The following SDK1 variants were observed in gnomAD, a reference collection of about 807,000 sequenced individuals.
SDK1 encodes protein sidekick-1.
A neutral mutation model predicts 245.5 loss-of-function variants in SDK1; 157 were observed. That is an observed-to-expected ratio of 0.64 (90% confidence interval 0.56 to 0.73). SDK1 has a LOEUF of 0.73. Among genes scored for constraint, SDK1 ranks in the 30% least tolerant of loss-of-function variants. The pLI is 0.00. For synonymous variants in SDK1, 1,647 were observed against 1,278.5 expected (o/e 1.29, Z -6.15); for missense variants, 3,583 against 3,002.3 (o/e 1.19, Z -4.52).
chr7:4,048,308 T>C (rs1174517513), intron 17 of SDK1, among the ~76,000 whole-genome samples: 1 of 152,176 alleles, frequency 6.6e-6, no homozygotes, highest in Admixed American at 6.5e-5. Context: ...GCCGGAGGCT[T>C]GGCTCCTCTC....
At chr7:3,497,546 A>G (rs1782063150) in intron 1 of SDK1, among the ~76,000 whole-genome samples, 1 of 152,188 alleles carries the variant, frequency 6.6e-6, no homozygotes, top group Admixed American at 6.5e-5. Context: ...ATATAATACC[A>G]TATATGATCT....
intron 1 of SDK1, among the ~76,000 whole-genome samples, chr7:3,553,562 C>G (rs954769494): frequency 1.3e-5 from 2 of 152,128 alleles, no homozygotes; most frequent in African/African-American, 4.8e-5. Flanking sequence ...GAACTAGCAA[C>G]CGAGATAGTC....
chr7:3,657,222 G>A (rs2099302), intron 4 of SDK1, among the ~76,000 whole-genome samples: 34,411 of 152,208 alleles, frequency 0.23, 4,681 homozygotes, highest in Non-Finnish European at 0.3. Flanking sequence ...CCATGAGGAG[G>A]CTGTAAACTG....
intron 30 of SDK1, among the ~76,000 whole-genome samples, chr7:4,153,802 G>A (rs892978252): frequency 1.1e-4 from 16 of 152,042 alleles, no homozygotes; most frequent in African/African-American, 2.7e-4. Flanking sequence ...TCAGCCTCCC[G>A]GGTAGCTAAG....
At chr7:4,006,846 C>T (rs766285076) in intron 14 of SDK1, among the ~76,000 whole-genome samples, 1 of 152,186 alleles carries the variant, frequency 6.6e-6, no homozygotes, top group Non-Finnish European at 1.5e-5. Context: ...TCTGGACTTT[C>T]AGGAGCTGTT....
At chr7:3,759,241 C>G (rs1349082677) in intron 4 of SDK1, among the ~76,000 whole-genome samples, 4 of 152,124 alleles carry the variant, frequency 2.6e-5, no homozygotes, top group Admixed American at 6.5e-5. Context: ...GCTGTACTTT[C>G]TGAAGTCTAA....
chr7:3,769,699 C>A (rs1293589925), intron 4 of SDK1, among the ~76,000 whole-genome samples: 1 of 152,028 alleles, frequency 6.6e-6, no homozygotes, highest in East Asian at 1.9e-4. Flanking sequence ...CTGTTCAACT[C>A]AGATGAGGGA....
At chr7:3,708,104 A>T (rs1784943392) in intron 4 of SDK1, among the ~76,000 whole-genome samples, 1 of 152,160 alleles carries the variant, frequency 6.6e-6, no homozygotes, top group Admixed American at 6.5e-5. Context: ...CAGTCATGGC[A>T]GAAGGCAAAG....
chr7:3,775,416 CT>C (rs78644130), intron 4 of SDK1, among the ~76,000 whole-genome samples: 1,842 of 150,608 alleles, frequency 0.012, 37 homozygotes, highest in African/African-American at 0.041. Flanking sequence ...CAAAGAAAGC[CT>C]TTTTTTTTAT....
intron 1 of SDK1, among the ~76,000 whole-genome samples, chr7:3,566,278 G>A (rs1156552846): frequency 1.4e-5 from 2 of 147,296 alleles, no homozygotes; most frequent in South Asian, 2.2e-4. Context: ...AGGCTGGAGT[G>A]CAGTGGCGCG....
At chr7:3,341,056 A>G (rs1055046866) in intron 1 of SDK1, among the ~76,000 whole-genome samples, 3 of 152,202 alleles carry the variant, frequency 2.0e-5, no homozygotes, top group Non-Finnish European at 2.9e-5. Context: ...CAGCAAAATC[A>G]GAGACAGCAA....
intron 4 of SDK1, among the ~76,000 whole-genome samples, chr7:3,794,369 A>G (rs1411398225): frequency 2.0e-5 from 3 of 152,324 alleles, no homozygotes; most frequent in Non-Finnish European, 2.9e-5. Flanking sequence ...AAAAAGGCAT[A>G]TATGGCAAGG....
intron 1 of SDK1, among the ~76,000 whole-genome samples, chr7:3,611,648 G>A (rs529079067): frequency 1.3e-5 from 2 of 152,120 alleles, no homozygotes; most frequent in Non-Finnish European, 2.9e-5. Flanking sequence ...GGTCGTGCTA[G>A]TTTACATTCC....
chr7:4,265,309 G>A lies in SDK1; in HGVS notation c.6567G>A (p.Gln2189=). The change falls in exon 45 of 45, where the codon CAG becomes CAA. Residue 2189 remains glutamine, a synonymous_variant. Coordinates refer to ENST00000404826, the MANE Select transcript of SDK1 (RefSeq NM_152744.4). Reference sequence around the variant, plus strand: ...AGCTGCACCCGGTCATCACCACGCAGAGCGCGGGCGGCGTCTACACCCCCG... The same window carrying A: ...AGCTGCACCCGGTCATCACCACGCAAAGCGCGGGCGGCGTCTACACCCCCG... ...GAQLHPVITT[Q]SAGGVYTPAG... 1.3e-6 allele frequency: 2 copies of A among 1,557,658 alleles called. No homozygotes were observed. The highest frequency in any genetic ancestry group is 1.7e-6 in the Non-Finnish European group (2 of 1,160,710).
chr7:3,725,801 C>T (rs139886666), intron 4 of SDK1, among the ~76,000 whole-genome samples: 2 of 152,152 alleles, frequency 1.3e-5, no homozygotes, highest in African/African-American at 2.4e-5. Flanking sequence ...TAAGCATGGT[C>T]ACGAATGACA....
chr7:4,054,450 T>C (rs1474153934), intron 19 of SDK1, among the ~76,000 whole-genome samples: 2 of 152,212 alleles, frequency 1.3e-5, no homozygotes, highest in Non-Finnish European at 2.9e-5. Context: ...CTTTTGTGCA[T>C]ATGTGTGTGT....
Position 4,029,027 on chromosome 7 carries a change from G to A in SDK1, c.2602+11675G>A, listed in dbSNP as rs76824431. ...GTCACGTCGGGTGTGCTCAAAGTGC[G>A]GCACATTCTACCAACCCCGTTTGCT... On this transcript the variant is annotated intron_variant, in intron 17 of 44. Coordinates refer to ENST00000404826, the MANE Select transcript of SDK1 (RefSeq NM_152744.4). Among the ~76,000 whole-genome samples, 1,119 of 150,768 alleles carry A rather than the reference G, an allele frequency of 7.4e-3. 20 individuals are homozygous for A. Among genetic ancestry groups the A allele is most frequent in the African/African-American group, 0.025 (1,019 of 40,824 alleles).
At chr7:3,621,487 A>G (rs1489135680) in intron 2 of SDK1, among the ~76,000 whole-genome samples, 1 of 152,182 alleles carries the variant, frequency 6.6e-6, no homozygotes, top group Non-Finnish European at 1.5e-5. Context: ...TCCTAATAAG[A>G]AGTAGGCATG....
intron 35 of SDK1, among the ~76,000 whole-genome samples, chr7:4,189,418 G>C (rs1037837072): frequency 6.6e-6 from 1 of 152,246 alleles, no homozygotes; most frequent in Admixed American, 6.5e-5. Context: ...AAGCGAGCCA[G>C]GACTTGCCTT....
Sources: gnomAD v4.1 joint callset for allele counts (sites outside exome capture counted in the v4.1 genomes callset) on GRCh38, gnomAD v4.1.1 for gene constraint, MANE v1.5 for transcripts, NCBI Gene and HGNC (gene_info 2026-07-23, HGNC 2026-07-21) for gene names.